The following RBFOX1 variants were observed in gnomAD, a reference collection of about 807,000 sequenced individuals.
RBFOX1 encodes RNA binding protein fox-1 homolog 1.
A neutral mutation model predicts 57.7 loss-of-function variants in RBFOX1; 8 were observed. The observed-to-expected ratio is 0.14, with a 90% CI of 0.08 to 0.25. The LOEUF (loss-of-function observed/expected upper bound fraction) is 0.25. RBFOX1 is among the 10% of genes least tolerant of loss of function. The pLI is 1.00. For missense variants in RBFOX1, 611 were observed against 548.5 expected (o/e 1.11, Z -1.14); for synonymous variants, 326 against 222.4 (o/e 1.47, Z -4.15).
intron 3 of RBFOX1, among the ~76,000 whole-genome samples, chr16:5,708,215 C>G (rs1163098974): frequency 1.3e-5 from 2 of 152,086 alleles, no homozygotes; most frequent in Admixed American, 6.5e-5. Context: ...TTCATTCATT[C>G]AGTTCAAGTA....
rs200917305 is a variant in RBFOX1, at chr16:5,401,793, T to TCCTCCTCCTCCTCCTCCTCCTCCTC, written c.220-65422_220-65421insCTCCTCCTCCTCCTCCTCCTCCTCC. Among the ~76,000 whole-genome samples, 24 of 149,048 alleles carry TCCTCCTCCTCCTCCTCCTCCTCCTC rather than the reference T, an allele frequency of 1.6e-4. No individual in the cohort carries two copies. The East Asian group carries it at 1.7e-3, about 10-fold the overall frequency. ...CTCCTCCTCCTCCTCCTCCTCCTCCTCTTTCTCCTCCTCCTTCTCCTTCTC... is the reference window on the plus strand; with the variant it reads ...CTCCTCCTCCTCCTCCTCCTCCTCCTCCTCCTCCTCCTCCTCCTCCTCCTCCTTTCTCCTCCTCCTTCTCCTTCTC... On this transcript the variant is annotated intron_variant, in intron 1 of 2. Transcript: ENST00000585867.
chr16:5,533,950 G>T (rs1218846854), intron 2 of RBFOX1, among the ~76,000 whole-genome samples: 1 of 152,154 alleles, frequency 6.6e-6, no homozygotes, highest in Non-Finnish European at 1.5e-5. Flanking sequence ...AGGAATTGTT[G>T]AGACAGTGAT....
At chr16:6,833,105 C>G (rs1326747572) in intron 3 of RBFOX1, among the ~76,000 whole-genome samples, 1 of 149,838 alleles carries the variant, frequency 6.7e-6, no homozygotes, top group Non-Finnish European at 1.5e-5. Flanking sequence ...TTCTGGAAGG[C>G]TTTTTCTGTG....
At chr16:6,193,396 A>AT (rs2097157433) in intron 1 of RBFOX1, among the ~76,000 whole-genome samples, 2 of 31,796 alleles carry the variant, frequency 6.3e-5, no homozygotes, top group African/African-American at 1.0e-4. Context: ...TATATACTAT[A>AT]TATATATATA....
chr16:7,368,032 C>T (rs779099114), intron 4 of RBFOX1, among the ~76,000 whole-genome samples: 2 of 151,916 alleles, frequency 1.3e-5, no homozygotes, highest in East Asian at 1.9e-4. Flanking sequence ...TTTGGGAAGC[C>T]GAGGATGGTG....
intron 3 of RBFOX1, among the ~76,000 whole-genome samples, chr16:5,822,934 C>T (rs190818514): frequency 6.6e-6 from 1 of 152,308 alleles, no homozygotes; most frequent in East Asian, 1.9e-4. Context: ...TGTTGCTTTC[C>T]ACATGATAAC....
At chr16:6,387,945 C>G (rs189349907) in intron 2 of RBFOX1, among the ~76,000 whole-genome samples, 8 of 147,430 alleles carry the variant, frequency 5.4e-5, no homozygotes, top group Admixed American at 5.4e-4. Context: ...GCGCACCTAT[C>G]AGAACCAGTG....
Position 5,887,559 on chromosome 16 carries a change from G to T in RBFOX1, c.351+20224G>T, listed in dbSNP as rs369338169. Reference sequence around the variant, plus strand: ...TGGGATTACAGGCACTCCCCAATGCGCCTGGATAATTTTTTTTTCTTTTAA... The same window carrying T: ...TGGGATTACAGGCACTCCCCAATGCTCCTGGATAATTTTTTTTTCTTTTAA... On this transcript the variant is annotated intron_variant, in intron 4 of 19. Transcript: ENST00000641259. Among the ~76,000 whole-genome samples the T allele has an allele frequency of 1.1e-4, 16 of 152,110 alleles. 1 individual carries two copies. In the South Asian group the frequency reaches 3.1e-3, roughly 30 times the overall value.
intron 2 of RBFOX1, among the ~76,000 whole-genome samples, chr16:6,530,312 G>A (rs1432182766): frequency 3.3e-5 from 5 of 152,126 alleles, no homozygotes; most frequent in African/African-American, 1.2e-4. Flanking sequence ...GGCATGGTAA[G>A]CATGAGTGAG....
intron 4 of RBFOX1, among the ~76,000 whole-genome samples, chr16:5,958,300 A>C (rs1449344153): frequency 6.6e-6 from 1 of 152,174 alleles, no homozygotes; most frequent in Non-Finnish European, 1.5e-5. Flanking sequence ...ATTGTATCAC[A>C]CTTGTGGAGC....
chr16:5,272,110 G>T (rs1244934309), intron 1 of RBFOX1, among the ~76,000 whole-genome samples: 1 of 152,158 alleles, frequency 6.6e-6, no homozygotes, highest in Non-Finnish European at 1.5e-5. Flanking sequence ...TTCTTGGTCT[G>T]TACCCAGAAG....
At chr16:5,678,977 C>A (rs1220320591) in intron 3 of RBFOX1, among the ~76,000 whole-genome samples, 3 of 152,174 alleles carry the variant, frequency 2.0e-5, no homozygotes, top group Non-Finnish European at 4.4e-5. Flanking sequence ...TACATGTATG[C>A]AGAATTGGAT....
intron 1 of RBFOX1, among the ~76,000 whole-genome samples, chr16:5,339,686 C>T (rs1284915259): frequency 6.6e-6 from 1 of 151,624 alleles, no homozygotes; most frequent in Middle Eastern, 3.2e-3. Context: ...ACTGTGTTGT[C>T]CAGGCTGGTC....
At chr16:6,424,063 A>G (rs1394794588) in intron 2 of RBFOX1, among the ~76,000 whole-genome samples, 1 of 151,734 alleles carries the variant, frequency 6.6e-6, no homozygotes, top group Non-Finnish European at 1.5e-5. Flanking sequence ...CATGGTGAAA[A>G]CCCATCTCTA....
At chr16:6,713,783 G>T (rs940660275) in intron 3 of RBFOX1, among the ~76,000 whole-genome samples, 4 of 152,054 alleles carry the variant, frequency 2.6e-5, no homozygotes, top group African/African-American at 9.7e-5. Context: ...TCATGTTTCA[G>T]TTTTGACACC....
At chr16:6,767,425 C>T (rs1188984807) in intron 3 of RBFOX1, among the ~76,000 whole-genome samples, 1 of 152,164 alleles carries the variant, frequency 6.6e-6, no homozygotes, top group East Asian at 1.9e-4. Flanking sequence ...CTGAATGTAG[C>T]CCTGCTGCAA....
chr16:7,707,858 C>T (rs936149498), intron 14 of RBFOX1, among the ~76,000 whole-genome samples: 2 of 152,178 alleles, frequency 1.3e-5, no homozygotes, highest in Non-Finnish European at 2.9e-5. Flanking sequence ...CTCTCTTCCT[C>T]TTGAGGACAC....
chr16:5,541,012 G>A (rs1335355159), intron 2 of RBFOX1, among the ~76,000 whole-genome samples: 1 of 151,982 alleles, frequency 6.6e-6, no homozygotes, highest in Non-Finnish European at 1.5e-5. Context: ...ACCCCGCCTG[G>A]CTAATTTTTG....
intron 14 of RBFOX1, among the ~76,000 whole-genome samples, chr16:7,694,941 A>G (rs956240381): frequency 6.6e-6 from 1 of 152,216 alleles, no homozygotes; most frequent in African/African-American, 2.4e-5. Context: ...ATATTTGGAC[A>G]TCTTAGATCA....
Sources: allele counts gnomAD v4.1 joint callset (sites outside exome capture counted in the v4.1 genomes callset), GRCh38; gene constraint gnomAD v4.1.1; transcripts MANE v1.5; gene names NCBI Gene and HGNC (gene_info 2026-07-23, HGNC 2026-07-21).